Variants in HIF1A observed in about 807,000 individuals in gnomAD.
The protein encoded by HIF1A is hypoxia inducible factor 1 subunit alpha, also known as hypoxia-inducible factor 1-alpha.
In HIF1A, 24 loss-of-function variants were observed where a neutral mutation model predicts 92.7. The ratio of observed to expected loss-of-function variants is 0.26; its 90% CI spans 0.19 to 0.36. HIF1A has a LOEUF of 0.36. Among genes scored for constraint, HIF1A ranks in the 10% least tolerant of loss-of-function variants. The probability of loss-of-function intolerance (pLI) is 1.00; values close to 1 mark genes in which losing one functional copy is unlikely to be tolerated. For synonymous variants in HIF1A, 319 were observed against 338.7 expected, an observed-to-expected ratio of 0.94 and a Z score of 0.64; for missense variants, 799 against 998.5, an observed-to-expected ratio of 0.80 and a Z score of 2.69.
chr14:61,732,091 A>G (rs903978064), intron 6 of HIF1A, among the ~76,000 whole-genome samples: 1 of 152,116 alleles, frequency 6.6e-6, no homozygotes, highest in African/African-American at 2.4e-5. Flanking sequence ...AGCCAAGATC[A>G]CACCTCATTG....
intron 7 of HIF1A, among the ~76,000 whole-genome samples, chr14:61,733,344 C>T (rs115620055): frequency 0.014 from 2,187 of 152,260 alleles, 52 homozygotes; most frequent in African/African-American, 0.05. Flanking sequence ...CCTTGGCACC[C>T]GGCCTCTTTT....
rs2044412573 is a variant in HIF1A, at chr14:61,720,383, A to G, written c.37A>G (p.Ile13Val). ...GTTTTTCTTGTTGTTGTTAAGTAGG[A>G]TAAGTTCTGAACGTCGAAAAGAAAA... ...GAGGANDKKK[I>V]SSERRKEKSR... Residue 13 changes from isoleucine to valine, a missense_variant and splice_region_variant, in exon 2 of 15, where the codon ATA becomes GTA. Coordinates refer to ENST00000337138, the MANE Select transcript of HIF1A (RefSeq NM_001530.4). The G allele has an allele frequency of 1.2e-6, 2 of 1,606,720 alleles. No homozygotes were observed. The highest frequency in any genetic ancestry group is 1.7e-4 in the Middle Eastern group (1 of 6,036).
At chr14:61,707,389 T>C (rs542477137) in intron 1 of HIF1A, among the ~76,000 whole-genome samples, 7 of 152,280 alleles carry the variant, frequency 4.6e-5, no homozygotes, top group East Asian at 1.9e-4. Flanking sequence ...ATGTGCCATG[T>C]TGGTGTGCTG....
chr14:61,721,189 C>T (rs1030141686), intron 2 of HIF1A, among the ~76,000 whole-genome samples: 6 of 152,022 alleles, frequency 3.9e-5, no homozygotes, highest in Non-Finnish European at 5.9e-5. Context: ...TGCAGTAAGC[C>T]GAGATCAAGC....
In HIF1A at chr14:61,738,338, C is replaced by A; in HGVS notation, c.1501C>A (p.Pro501Thr). The A allele has an allele frequency of 1.9e-6, 3 of 1,612,288 alleles. No individual in the cohort carries two copies. The highest frequency in any genetic ancestry group is 2.5e-6 in the Non-Finnish European group (3 of 1,179,046). ...MPQIQDQTPS[P>T]SDGSTRQSSP... Reference sequence around the variant, plus strand: ...CCAGATTCAGGATCAGACACCTAGTCCTTCCGATGGAAGCACTAGACAAAG... The same window carrying A: ...CCAGATTCAGGATCAGACACCTAGTACTTCCGATGGAAGCACTAGACAAAG... The change falls in exon 10 of 15, where the codon CCT becomes ACT. Residue 501 changes from proline to threonine, a missense_variant. Physicochemically the swap from Pro to Thr is conservative, Grantham distance 38 (BLOSUM62 -1). This residue lies in a region of HIF1A where 516 missense variants were observed against 721.0 expected (regional missense o/e 0.72). Coordinates refer to ENST00000337138, the MANE Select transcript of HIF1A (RefSeq NM_001530.4).
In HIF1A at chr14:61,740,684, T is replaced by C. The variant is rs1027353809; in HGVS notation, c.1659+57T>C. On this transcript the variant is annotated intron_variant, in intron 11 of 14. Transcript: ENST00000337138. ...TCATTAATTTTTAGTCTGAAGTGAC[T>C]TTGAGTTTCACTTGTTTTTTATTTA... is the stretch of plus-strand genomic sequence containing the variant. The C allele has an allele frequency of 1.0e-5, 16 of 1,544,698 alleles. No individual in the cohort carries two copies. In the Admixed American group the frequency reaches 2.4e-4, roughly 24 times the overall value.
rs532674681 is a variant in HIF1A, at chr14:61,738,913, CT to C, written c.1536+547del. On this transcript the variant is annotated intron_variant, in intron 10 of 14. Transcript: ENST00000337138. ...CACCATGCCTGGCTAATTTTTTAAC[CT>C]TTTTTTGTGTGTGTGTGTGGAGTTG... is the stretch of plus-strand genomic sequence containing the variant. 6.3e-3 allele frequency among the ~76,000 whole-genome samples: 950 copies of C among 151,926 alleles called. 8 individuals are homozygous for C. The highest frequency in any genetic ancestry group is 0.022 in the African/African-American group (914 of 41,444).
At chr14:61,714,853 A>T (rs546993673) in intron 1 of HIF1A, among the ~76,000 whole-genome samples, 2 of 152,158 alleles carry the variant, frequency 1.3e-5, no homozygotes, top group Admixed American at 1.3e-4. Flanking sequence ...GGCCAACATA[A>T]TGAAACCCCA....
At position 61,735,610 on chromosome 14, in the gene HIF1A, C is replaced by T. The variant is rs372892266; in HGVS notation, c.1029-1279C>T. On this transcript the variant is annotated intron_variant, in intron 8 of 14. Coordinates refer to ENST00000337138, the MANE Select transcript of HIF1A (RefSeq NM_001530.4). ...AAGGTCAAGGGTTGGCTATTTTAATCTTTGCATTATCAGTTCATTTCAGAT... is the reference window on the plus strand; with the variant it reads ...AAGGTCAAGGGTTGGCTATTTTAATTTTTGCATTATCAGTTCATTTCAGAT... Among the ~76,000 whole-genome samples, 54 of 152,304 alleles carry T rather than the reference C, an allele frequency of 3.5e-4. No individual in the cohort carries two copies. The East Asian group carries it at 6.0e-3, about 17-fold the overall frequency.
At chr14:61,720,651 T>G (rs2044415972) in intron 2 of HIF1A, 79 bp downstream of exon 2, 1 of 941,918 alleles carries the variant, frequency 1.1e-6, no homozygotes, top group East Asian at 2.7e-5. Flanking sequence ...TAGAAGGTGG[T>G]CGCAATGTTT....
intron 10 of HIF1A, among the ~76,000 whole-genome samples, chr14:61,739,140 T>G (rs561269499): frequency 6.6e-6 from 1 of 152,298 alleles, no homozygotes; most frequent in African/African-American, 2.4e-5. Flanking sequence ...TTTGCCCAAT[T>G]TAGTCTAATT....
intron 1 of HIF1A, among the ~76,000 whole-genome samples, chr14:61,701,007 G>T (rs1458467176): frequency 6.6e-6 from 1 of 152,166 alleles, no homozygotes; most frequent in African/African-American, 2.4e-5. Flanking sequence ...TAGTGACTTA[G>T]ATTTGTTATG....
intron 1 of HIF1A, among the ~76,000 whole-genome samples, chr14:61,718,246 C>T (rs953591194): frequency 6.6e-6 from 1 of 152,070 alleles, no homozygotes. Context: ...TGAGCTTAGG[C>T]GTTCAAGACC....
chr14:61,704,950 G>A (rs1337431643), intron 1 of HIF1A, among the ~76,000 whole-genome samples: 1 of 152,016 alleles, frequency 6.6e-6, no homozygotes, highest in African/African-American at 2.4e-5. Flanking sequence ...AGGTTCTTGC[G>A]AAGTACAGAC....
At chr14:61,698,894 T>C (rs2044145613) in intron 1 of HIF1A, 1 of 152,218 alleles carries the variant, frequency 6.6e-6, no homozygotes, top group Non-Finnish European at 1.5e-5. Flanking sequence ...ATTCTAGTCT[T>C]ACTGTTCATT....
intron 2 of HIF1A, among the ~76,000 whole-genome samples, chr14:61,720,849 C>G (rs2044417881): frequency 6.6e-6 from 1 of 152,034 alleles, no homozygotes; most frequent in Admixed American, 6.6e-5. Flanking sequence ...ATATAACATC[C>G]TTTTTATTAC....
chr14:61,718,835 A>T (rs1319052070), intron 1 of HIF1A, among the ~76,000 whole-genome samples: 1 of 152,206 alleles, frequency 6.6e-6, no homozygotes, highest in Non-Finnish European at 1.5e-5. Context: ...AGTTTTTAAT[A>T]GCTCACCGTA....
At chr14:61,710,245 C>G (rs890532543) in intron 1 of HIF1A, among the ~76,000 whole-genome samples, 3 of 152,064 alleles carry the variant, frequency 2.0e-5, no homozygotes, top group Non-Finnish European at 4.4e-5. Context: ...AATGGAAAGA[C>G]AATTTCTGTG....
chr14:61,727,001 A>C (rs762350379), intron 5 of HIF1A, among the ~76,000 whole-genome samples, 183 bp downstream of exon 5: 6 of 152,224 alleles, frequency 3.9e-5, no homozygotes, highest in Non-Finnish European at 8.8e-5. Context: ...GTAATTTGCC[A>C]ATTTGAGGCA....
Sources: gnomAD v4.1 joint callset for allele counts (sites outside exome capture counted in the v4.1 genomes callset) on GRCh38, gnomAD v4.1.1 for gene constraint, gnomAD v4.1.1 regional missense constraint, MANE v1.5 for transcripts, NCBI Gene and HGNC (gene_info 2026-07-23, HGNC 2026-07-21) for gene names.